Variants in SYN3 observed in about 807,000 individuals in gnomAD.
SYN3 encodes synapsin III, also known as synapsin-3.
In SYN3, 35 loss-of-function variants were observed where a neutral mutation model predicts 65.8. The ratio of observed to expected loss-of-function variants is 0.53; its 90% CI spans 0.41 to 0.70. The LOEUF (loss-of-function observed/expected upper bound fraction) is 0.70. Ranked by LOEUF, SYN3 falls within the 30% of genes least tolerant of loss-of-function variation. The pLI, the probability that SYN3 is intolerant of heterozygous loss-of-function variation, is 0.00. For missense variants in SYN3, 680 were observed against 749.0 expected, an observed-to-expected ratio of 0.91 and a Z score of 1.08; for synonymous variants, 270 against 292.9, an observed-to-expected ratio of 0.92 and a Z score of 0.80.
intron 6 of SYN3, among the ~76,000 whole-genome samples, chr22:32,690,415 A>T (rs1283030416): frequency 2.6e-5 from 4 of 151,828 alleles, no homozygotes; most frequent in Admixed American, 2.6e-4. Flanking sequence ...CAAAGCACAT[A>T]CTCTTTCTCC....
At chr22:32,984,161 CA>C (rs35678412) in intron 2 of SYN3, among the ~76,000 whole-genome samples, 32,988 of 92,812 alleles carry the variant, frequency 0.36, 3,906 homozygotes, top group East Asian at 0.65. Context: ...AAACTCCATC[CA>C]AAAAAAAAAA....
intron 3 of SYN3, among the ~76,000 whole-genome samples, chr22:32,959,465 C>A (rs528348413): frequency 6.6e-6 from 1 of 151,950 alleles, no homozygotes; most frequent in African/African-American, 2.4e-5. Flanking sequence ...GCAGGAGAAT[C>A]ACTTGAACCC....
intron 6 of SYN3, among the ~76,000 whole-genome samples, chr22:32,710,494 G>A (rs928382796): frequency 7.2e-5 from 11 of 151,856 alleles, no homozygotes; most frequent in Admixed American, 2.0e-4. Context: ...GTAGCCAGGC[G>A]TGGTGGCACA....
chr22:32,963,452 C>T (rs1013006053), intron 3 of SYN3, among the ~76,000 whole-genome samples: 2 of 151,682 alleles, frequency 1.3e-5, no homozygotes, highest in Non-Finnish European at 2.9e-5. Context: ...GATTAGAGAC[C>T]GCAAAACAGA....
At chr22:32,635,255 C>T (rs376701292) in intron 6 of SYN3, 17 of 152,192 alleles carry the variant, frequency 1.1e-4, no homozygotes, top group African/African-American at 4.1e-4. Flanking sequence ...ATCCATCCAT[C>T]CATCTATCTA....
chr22:32,762,530 T>G (rs560348061), intron 6 of SYN3, among the ~76,000 whole-genome samples: 1 of 152,214 alleles, frequency 6.6e-6, no homozygotes, highest in Admixed American at 6.5e-5. Context: ...AGATTAGAAA[T>G]TAATTCAGGA....
At chr22:32,700,426 C>A (rs2060795916) in intron 6 of SYN3, among the ~76,000 whole-genome samples, 1 of 152,092 alleles carries the variant, frequency 6.6e-6, no homozygotes, top group Non-Finnish European at 1.5e-5. Context: ...AGGGTCATGA[C>A]CCTCCACAAA....
chr22:32,574,088 T>A (rs559648057), intron 7 of SYN3, among the ~76,000 whole-genome samples: 2 of 152,032 alleles, frequency 1.3e-5, no homozygotes, highest in Admixed American at 6.5e-5. Context: ...GGGGTTTTTT[T>A]ATTTTTAAGT....
At position 32,901,887 on chromosome 22, in the gene SYN3, T is replaced by C. The variant is rs963021411; in HGVS notation, c.461+29503A>G. ...ATCATGGTTTGAGCTGGGCCAGCCTTGCTGGCTGGAGCTGAAGCTACTGAA... is the reference window on the plus strand; with the variant it reads ...ATCATGGTTTGAGCTGGGCCAGCCTCGCTGGCTGGAGCTGAAGCTACTGAA... On this transcript the variant is annotated intron_variant, in intron 4 of 13. Transcript: ENST00000358763. 8.5e-5 allele frequency among the ~76,000 whole-genome samples: 13 copies of C among 152,254 alleles called. 1 individual carries two copies. The highest frequency in any genetic ancestry group is 3.1e-4 in the African/African-American group (13 of 41,476).
At chr22:32,943,086 A>G (rs2146771252) in intron 3 of SYN3, among the ~76,000 whole-genome samples, 1 of 152,334 alleles carries the variant, frequency 6.6e-6, no homozygotes, top group African/African-American at 2.4e-5. Flanking sequence ...AATTCAGGAA[A>G]TACAGAGAAC....
chr22:32,721,792 G>A (rs1046188584), intron 6 of SYN3, among the ~76,000 whole-genome samples: 10 of 152,174 alleles, frequency 6.6e-5, no homozygotes, highest in African/African-American at 9.7e-5. Flanking sequence ...ATGATAAATC[G>A]TCTGAGAAAA....
intron 6 of SYN3, among the ~76,000 whole-genome samples, chr22:32,760,093 C>T (rs1230807859): frequency 1.6e-5 from 2 of 124,074 alleles, no homozygotes. Context: ...CCAGCACCCA[C>T]GTGCCCCCAG....
intron 6 of SYN3, among the ~76,000 whole-genome samples, chr22:32,759,386 C>T (rs778664245): frequency 3.3e-5 from 5 of 152,124 alleles, no homozygotes; most frequent in Non-Finnish European, 7.3e-5. Context: ...ACAAGGGGCT[C>T]AACGACTATT....
rs2145925138 is a variant in SYN3, at chr22:32,801,173, G to C, written c.711+63742C>G. Among the ~76,000 whole-genome samples, 1 of 152,148 alleles carries C rather than the reference G, an allele frequency of 6.6e-6. No homozygotes were observed. Among genetic ancestry groups the C allele is most frequent in the Admixed American group, 6.5e-5 (1 of 15,288 alleles). On this transcript the variant is annotated intron_variant, in intron 6 of 13. Transcript: ENST00000358763. This position sits in a 1 kb window ranked among gnomAD's most constrained non-coding sequence, Gnocchi z 4.7. ...CCCATATCCCAGAGAGTAAGAACCAGAGAGAGAGAGAAAGAGAGAGAGTTT... is the reference window on the plus strand; with the variant it reads ...CCCATATCCCAGAGAGTAAGAACCACAGAGAGAGAGAAAGAGAGAGAGTTT...
At chr22:32,669,017 GT>G (rs1190243871) in intron 6 of SYN3, among the ~76,000 whole-genome samples, 1 of 152,186 alleles carries the variant, frequency 6.6e-6, no homozygotes, top group Non-Finnish European at 1.5e-5. Flanking sequence ...TTACTATTAT[GT>G]GCCTGACTTA....
intron 6 of SYN3, among the ~76,000 whole-genome samples, chr22:32,673,112 C>T (rs941724234): frequency 1.0e-3 from 152 of 152,264 alleles, no homozygotes; most frequent in Admixed American, 9.3e-3. Flanking sequence ...CTTCCTTTCG[C>T]CTCCTAAGAA....
chr22:32,748,553 A>T (rs1247284551), intron 6 of SYN3, among the ~76,000 whole-genome samples: 19 of 152,228 alleles, frequency 1.2e-4, no homozygotes, highest in Non-Finnish European at 1.5e-5. Context: ...GGAGTGGAGC[A>T]TGGGAGAATT....
chr22:32,917,740 C>T (rs1435260160), intron 4 of SYN3, among the ~76,000 whole-genome samples: 3 of 152,256 alleles, frequency 2.0e-5, no homozygotes, highest in Non-Finnish European at 4.4e-5. Context: ...CTGTCGGACC[C>T]GAGCTCTCTC....
At chr22:32,890,024 T>G (rs2049398378) in intron 4 of SYN3, among the ~76,000 whole-genome samples, 1 of 151,384 alleles carries the variant, frequency 6.6e-6, no homozygotes, top group African/African-American at 2.4e-5. Context: ...AAAAAAAAAT[T>G]TCGTGGTTTC....
Sources: gnomAD v4.1 joint callset for allele counts (sites outside exome capture counted in the v4.1 genomes callset) on GRCh38, gnomAD v4.1.1 for gene constraint, Gnocchi (gnomAD v3.1) non-coding constraint, MANE v1.5 for transcripts, NCBI Gene and HGNC (gene_info 2026-07-23, HGNC 2026-07-21) for gene names.